Variants in ERBB4 observed in about 807,000 individuals in gnomAD.
The protein encoded by ERBB4 is erb-b2 receptor tyrosine kinase 4.
In ERBB4, 42 loss-of-function variants were observed where a neutral mutation model predicts 158.0. The ratio of observed to expected loss-of-function variants is 0.27; its 90% CI spans 0.21 to 0.34. The LOEUF (loss-of-function observed/expected upper bound fraction) is 0.34, where lower values mean the gene tolerates loss of function less well. ERBB4 is among the 10% of genes least tolerant of loss of function. The pLI is 1.00. For synonymous variants in ERBB4, 583 were observed against 558.7 expected (o/e 1.04, Z -0.61); for missense variants, 1,333 against 1,624.1 (o/e 0.82, Z 3.08).
intron 2 of ERBB4, among the ~76,000 whole-genome samples, chr2:212,050,634 C>A (rs1249774862): frequency 6.6e-6 from 1 of 152,006 alleles, no homozygotes; most frequent in Admixed American, 6.6e-5. Flanking sequence ...AAAAAGTAGT[C>A]GGGACTAATC....
At chr2:212,508,825 G>C (rs373497684) in intron 1 of ERBB4, among the ~76,000 whole-genome samples, 1 of 151,978 alleles carries the variant, frequency 6.6e-6, no homozygotes, top group East Asian at 1.9e-4. Flanking sequence ...CTTTAAAAAT[G>C]AGTATATTTT....
intron 2 of ERBB4, among the ~76,000 whole-genome samples, chr2:212,076,289 T>C (rs1185124224): frequency 1.3e-5 from 2 of 151,890 alleles, no homozygotes; most frequent in Non-Finnish European, 2.9e-5. Context: ...GTTATTTATT[T>C]GACAATTATC....
At chr2:211,549,696 T>C (rs989616429) in intron 20 of ERBB4, among the ~76,000 whole-genome samples, 6 of 152,230 alleles carry the variant, frequency 3.9e-5, no homozygotes, top group Non-Finnish European at 8.8e-5. Flanking sequence ...AGATTTCAGA[T>C]TCCTGAGCAA....
intron 1 of ERBB4, among the ~76,000 whole-genome samples, chr2:212,523,650 C>T (rs954053534): frequency 6.6e-6 from 1 of 151,852 alleles, no homozygotes; most frequent in Non-Finnish European, 1.5e-5. Flanking sequence ...GGAATCCTAG[C>T]CATAGAGACT....
intron 2 of ERBB4, among the ~76,000 whole-genome samples, chr2:211,988,245 T>C (rs2081986577): frequency 6.6e-6 from 1 of 152,028 alleles, no homozygotes; most frequent in Non-Finnish European, 1.5e-5. Context: ...GGTTTAAGAG[T>C]GAGTTCCAAA....
At chr2:211,517,762 G>A (rs899098902) in intron 20 of ERBB4, among the ~76,000 whole-genome samples, 3 of 152,124 alleles carry the variant, frequency 2.0e-5, no homozygotes, top group East Asian at 1.9e-4. Context: ...CAAGCTGCTT[G>A]TACTTCTGAA....
At chr2:211,408,373 C>T (rs1409089615) in intron 25 of ERBB4, among the ~76,000 whole-genome samples, 1 of 152,030 alleles carries the variant, frequency 6.6e-6, no homozygotes, top group Non-Finnish European at 1.5e-5. Flanking sequence ...TCTAGTTGTC[C>T]CTCCCACCTC....
chr2:211,831,021 A>T (rs1227800400), intron 3 of ERBB4, among the ~76,000 whole-genome samples: 1 of 152,114 alleles, frequency 6.6e-6, no homozygotes, highest in Non-Finnish European at 1.5e-5. Flanking sequence ...ATAAAAAAAA[A>T]CCCAAGTCAT....
At chr2:211,416,840 C>A (rs189298885) in intron 25 of ERBB4, among the ~76,000 whole-genome samples, 276 of 148,882 alleles carry the variant, frequency 1.9e-3, no homozygotes, top group African/African-American at 6.5e-3. Flanking sequence ...TAACCCTACA[C>A]AGCTTTCCCA....
chr2:211,937,985 C>T (rs2080375361), intron 3 of ERBB4, among the ~76,000 whole-genome samples: 1 of 152,120 alleles, frequency 6.6e-6, no homozygotes, highest in Non-Finnish European at 1.5e-5. Context: ...CAGCTTAAAA[C>T]ATATTTAGAA....
At chr2:211,655,481 T>G (rs1170638432) in intron 16 of ERBB4, among the ~76,000 whole-genome samples, 1 of 152,180 alleles carries the variant, frequency 6.6e-6, no homozygotes, top group East Asian at 1.9e-4. Context: ...TCAGATAATT[T>G]AAGGAACTTA....
intron 20 of ERBB4, among the ~76,000 whole-genome samples, chr2:211,543,689 G>C (rs989544255): frequency 2.6e-5 from 4 of 151,782 alleles, no homozygotes; most frequent in East Asian, 1.9e-4. Context: ...CAGTCCATAG[G>C]AGAATTTCAC....
At chr2:212,113,678 A>C (rs1024548049) in intron 2 of ERBB4, among the ~76,000 whole-genome samples, 1 of 151,848 alleles carries the variant, frequency 6.6e-6, no homozygotes, top group African/African-American at 2.4e-5. Context: ...GAGAAAGTGA[A>C]AGTTGTGAAG....
intron 17 of ERBB4, among the ~76,000 whole-genome samples, chr2:211,627,615 A>G (rs1413935099): frequency 6.6e-6 from 1 of 152,230 alleles, no homozygotes; most frequent in African/African-American, 2.4e-5. Flanking sequence ...ATGAATTAAA[A>G]TTCCCATTCC....
chr2:211,722,179 C>A (rs150094114), intron 7 of ERBB4, among the ~76,000 whole-genome samples: 1 of 152,192 alleles, frequency 6.6e-6, no homozygotes, highest in South Asian at 2.1e-4. Flanking sequence ...AGTTTTATAA[C>A]CTCAAACATG....
intron 25 of ERBB4, among the ~76,000 whole-genome samples, chr2:211,408,677 A>T (rs2063193844): frequency 6.6e-6 from 1 of 152,326 alleles, no homozygotes; most frequent in African/African-American, 2.4e-5. Context: ...CAGGTGAATC[A>T]TTATTTACTA....
At chr2:212,481,973 T>C (rs975854845) in intron 1 of ERBB4, among the ~76,000 whole-genome samples, 3 of 152,222 alleles carry the variant, frequency 2.0e-5, no homozygotes, top group African/African-American at 4.8e-5. Context: ...GTAGCAGCAA[T>C]TGAGTCTTGT....
At chr2:212,056,981 G>A (rs549625645) in intron 2 of ERBB4, among the ~76,000 whole-genome samples, 1 of 152,240 alleles carries the variant, frequency 6.6e-6, no homozygotes, top group Non-Finnish European at 1.5e-5. Flanking sequence ...GACACAGACT[G>A]GCAAATTGGA....
At chr2:212,120,605 TAAAAC>T (rs2079718005) in intron 2 of ERBB4, among the ~76,000 whole-genome samples, 1 of 152,084 alleles carries the variant, frequency 6.6e-6, no homozygotes, top group Non-Finnish European at 1.5e-5. Context: ...TCATACAAAA[TAAAAC>T]AAATGCCAAA....
Sources: allele counts gnomAD v4.1 joint callset (sites outside exome capture counted in the v4.1 genomes callset), GRCh38; gene constraint gnomAD v4.1.1; transcripts MANE v1.5; gene names NCBI Gene and HGNC (gene_info 2026-07-23, HGNC 2026-07-21).